UROC1: variants seen among roughly 807,000 people sequenced by gnomAD.
UROC1 encodes urocanate hydratase.
A neutral mutation model predicts 89.5 loss-of-function variants in UROC1; 79 were observed. The observed-to-expected ratio is 0.88, with a 90% CI of 0.74 to 1.06. The LOEUF is 1.06. UROC1 is among the 50% of genes least tolerant of loss of function. The pLI is 0.00. For synonymous variants in UROC1, 361 were observed against 354.8 expected (o/e 1.02, Z -0.20); for missense variants, 885 against 907.8 (o/e 0.97, Z 0.32).
chr3:126,488,635 G>T (rs146718257), intron 17 of UROC1, among the ~76,000 whole-genome samples: 2 of 152,226 alleles, frequency 1.3e-5, no homozygotes, highest in Non-Finnish European at 2.9e-5. Flanking sequence ...AAAAAGGGGG[G>T]CAGAGGAGCA....
chr3:126,499,652 TGCA>T (rs1935868401), intron 12 of UROC1, among the ~76,000 whole-genome samples: 1 of 152,236 alleles, frequency 6.6e-6, no homozygotes, highest in Non-Finnish European at 1.5e-5. Flanking sequence ...GCCCGCCACC[TGCA>T]GGGAGGTAGA....
intron 16 of UROC1, 24 bp downstream of exon 16, chr3:126,492,394 C>T (rs1278455575): frequency 8.7e-6 from 14 of 1,605,888 alleles, no homozygotes; most frequent in Non-Finnish European, 1.1e-5. Context: ...AGGGATGCTT[C>T]CCCCAGAGCA....
chr3:126,489,730 A>T (rs1935601693), intron 16 of UROC1, among the ~76,000 whole-genome samples: 1 of 152,190 alleles, frequency 6.6e-6, no homozygotes, highest in African/African-American at 2.4e-5. Flanking sequence ...GTTTAACCCC[A>T]CACGTGTTAT....
At chr3:126,501,985 T>C in intron 9 of UROC1, 1 of 1,544,532 alleles carries the variant, frequency 6.5e-7, no homozygotes, top group Non-Finnish European at 8.7e-7. Flanking sequence ...TCCATTCCCA[T>C]GGGTCTTCCT....
chr3:126,511,422 A>G (rs777489), intron 1 of UROC1, among the ~76,000 whole-genome samples: 135,508 of 152,218 alleles, frequency 0.89, 60,668 homozygotes, highest in East Asian at 0.95. Context: ...AACTGATTTC[A>G]CAGCCTGCTG....
chr3:126,489,443 A>G lies in UROC1; in HGVS notation c.1609-68T>C, dbSNP rs779982625. ...CATGGCTTCCTGGTAAAGACTGAGG[A>G]CAAGGGGCAGGTCACACCAGAACCC... On this transcript the variant is annotated intron_variant, in intron 16 of 19. Coordinates refer to ENST00000290868, the MANE Select transcript of UROC1 (RefSeq NM_144639.3). 5.7e-5 allele frequency: 76 copies of G among 1,336,392 alleles called. 1 individual carries two copies. Among genetic ancestry groups the G allele is most frequent in the Middle Eastern group, 5.6e-4 (3 of 5,402 alleles). 82.8% of individuals were successfully genotyped at this position (1,336,392 alleles called of 1,614,324 possible). A position where few individuals can be genotyped will look rare whatever the true frequency, so the allele number is the denominator to read the frequency against.
intron 9 of UROC1, among the ~76,000 whole-genome samples, chr3:126,502,819 T>C (rs1399034166): frequency 2.0e-5 from 3 of 151,510 alleles, no homozygotes; most frequent in Non-Finnish European, 2.9e-5. Context: ...GTATGTGTGC[T>C]TATGTGTGTT....
intron 18 of UROC1, among the ~76,000 whole-genome samples, chr3:126,484,802 A>G (rs1455438421): frequency 1.3e-5 from 2 of 152,196 alleles, no homozygotes; most frequent in African/African-American, 4.8e-5. Context: ...TCCAGGTGGG[A>G]GGTGCTCCAA....
At chr3:126,510,495 C>T (rs998825730) in intron 2 of UROC1, among the ~76,000 whole-genome samples, 169 bp downstream of exon 2, 7 of 152,332 alleles carry the variant, frequency 4.6e-5, no homozygotes, top group East Asian at 3.9e-4. Context: ...CGCTGGGCTC[C>T]GGCTCCCGAG....
In UROC1 at chr3:126,498,045, C is replaced by A; in HGVS notation, c.1438+6G>T. ...CACCCATGGGCATCCCCACCAATGG[C>A]GTCACCTCCATCAGCAATGGCTTCC... On this transcript the variant is annotated splice_donor_region_variant and intron_variant, in intron 14 of 19. Coordinates refer to ENST00000290868, the MANE Select transcript of UROC1 (RefSeq NM_144639.3). 1 of 1,614,030 alleles carries A rather than the reference C, an allele frequency of 6.2e-7. No individual in the cohort carries two copies.
chr3:126,484,078 TG>T (rs537124075), intron 18 of UROC1, among the ~76,000 whole-genome samples: 1 of 152,178 alleles, frequency 6.6e-6, no homozygotes, highest in Non-Finnish European at 1.5e-5. Flanking sequence ...CTCAAGTGTA[TG>T]GGGGGTCCTT....
chr3:126,505,600 G>C, intron 8 of UROC1, 101 bp downstream of exon 8: 1 of 1,539,196 alleles, frequency 6.5e-7, no homozygotes, highest in South Asian at 1.2e-5. Flanking sequence ...GGAAGGATGA[G>C]AAGGGGGGTC....
intron 18 of UROC1, among the ~76,000 whole-genome samples, chr3:126,486,867 A>G (rs1935529689): frequency 6.6e-6 from 1 of 152,040 alleles, no homozygotes; most frequent in African/African-American, 2.4e-5. Flanking sequence ...AGGGATAGAC[A>G]TTTTTTCCGA....
chr3:126,502,876 A>G (rs1935969307), intron 9 of UROC1, among the ~76,000 whole-genome samples: 1 of 146,950 alleles, frequency 6.8e-6, no homozygotes, highest in Non-Finnish European at 1.5e-5. Context: ...TTGTGTGTGC[A>G]AGCTTGTGTG....
In UROC1 at chr3:126,489,295, G is replaced by T; in HGVS notation, c.1689C>A (p.Asp563Glu). ...SPFRETSNIY[D>E]GSAFCADMAV... ...CCTCACCTGCACAGAAGGCAGAGCC[G>T]TCGTAAATGTTGGAGGTCTCCCTAA... Residue 563 changes from aspartate to glutamate, a missense_variant, in exon 17 of 20, where the codon GAC becomes GAA. Asp to Glu is a conservative substitution (Grantham distance 45, BLOSUM62 2). Coordinates refer to ENST00000290868, the MANE Select transcript of UROC1 (RefSeq NM_144639.3). The T allele has an allele frequency of 1.2e-6, 2 of 1,613,640 alleles. No homozygotes were observed. Among genetic ancestry groups the T allele is most frequent in the Admixed American group, 1.7e-5 (1 of 60,028 alleles).
chr3:126,492,540 A>G (rs969273774), intron 15 of UROC1, 24 bp from the exon 16 acceptor site: 2 of 1,592,104 alleles, frequency 1.3e-6, no homozygotes, highest in Non-Finnish European at 1.7e-6. Context: ...GGCAACTGGC[A>G]TCTCAGCCAA....
At chr3:126,497,981 G>A in intron 14 of UROC1, 70 bp downstream of exon 14, 4 of 1,611,516 alleles carry the variant, frequency 2.5e-6, no homozygotes, top group East Asian at 4.5e-5. Context: ...TGCTATAGAA[G>A]CTTGTCTCTA....
At chr3:126,484,892 G>C (rs1935477265) in intron 18 of UROC1, among the ~76,000 whole-genome samples, 1 of 152,214 alleles carries the variant, frequency 6.6e-6, no homozygotes. Flanking sequence ...GTGTCCTGCA[G>C]CTAGAGAGGC....
At chr3:126,489,089 T>C (rs1469607764) in intron 17 of UROC1, among the ~76,000 whole-genome samples, 187 bp downstream of exon 17, 1 of 152,202 alleles carries the variant, frequency 6.6e-6, no homozygotes. Context: ...CCGGTGTGCC[T>C]GGCACTTACC....
Sources: gnomAD v4.1 joint callset for allele counts (sites outside exome capture counted in the v4.1 genomes callset) on GRCh38, gnomAD v4.1.1 for gene constraint, MANE v1.5 for transcripts, NCBI Gene and HGNC (gene_info 2026-07-23, HGNC 2026-07-21) for gene names.